Variants in NMS observed in about 807,000 individuals in gnomAD.
NMS encodes neuromedin-S.
NMS carries 30 observed loss-of-function variants against 32.2 expected under a neutral mutation model. The observed-to-expected ratio is 0.93, with a 90% CI of 0.70 to 1.26. The LOEUF is 1.26. NMS is among the 50% of genes most tolerant of loss of function. NMS has a pLI of 0.00. For synonymous variants in NMS, 76 were observed against 58.5 expected, an observed-to-expected ratio of 1.30 and a Z score of -1.37; for missense variants, 190 against 186.3, an observed-to-expected ratio of 1.02 and a Z score of -0.12.
chr2:100,477,317 G>A, intron 4 of NMS, 44 bp from the exon 5 acceptor site: 3 of 1,610,602 alleles, frequency 1.9e-6, no homozygotes, highest in East Asian at 2.2e-5. Context: ...CATGTTTAGA[G>A]CAAGTGACAC....
intron 8 of NMS, among the ~76,000 whole-genome samples, 164 bp from the exon 9 acceptor site, chr2:100,482,113 G>T (rs145135112): frequency 6.6e-6 from 1 of 152,180 alleles, no homozygotes; most frequent in South Asian, 2.1e-4. Flanking sequence ...ACGGACTAGC[G>T]CTAGCACAGG....
At chr2:100,476,222 C>T (rs144493097) in intron 3 of NMS, among the ~76,000 whole-genome samples, 14 of 152,116 alleles carry the variant, frequency 9.2e-5, no homozygotes, top group Non-Finnish European at 1.6e-4. Context: ...TGAACAGATG[C>T]TGACAAGAAG....
At position 100,479,336 on chromosome 2, in the gene NMS, G is replaced by A. The variant is rs768078761; in HGVS notation, c.262-17G>A. The A allele has an allele frequency of 1.9e-6, 3 of 1,598,784 alleles. No individual in the cohort carries two copies. The highest frequency in any genetic ancestry group is 2.7e-5 in the African/African-American group (2 of 74,474). On this transcript the variant is annotated splice_polypyrimidine_tract_variant and intron_variant, in intron 5 of 9. Coordinates refer to ENST00000376865, the MANE Select transcript of NMS (RefSeq NM_001011717.1). Reference sequence around the variant, plus strand: ...GATGTCCCCCTGTCTGACCCTCTCCGCGCCTGTCTGTTGCAGTTTCCTCCA... The same window carrying A: ...GATGTCCCCCTGTCTGACCCTCTCCACGCCTGTCTGTTGCAGTTTCCTCCA...
At chr2:100,479,761 C>T (rs1163241992) in intron 6 of NMS, among the ~76,000 whole-genome samples, 2 of 152,318 alleles carry the variant, frequency 1.3e-5, no homozygotes, top group East Asian at 3.9e-4. Flanking sequence ...TCTCCTGACA[C>T]GAAACGCCCT....
chr2:100,470,639 C>A, intron 1 of NMS, 75 bp downstream of exon 1: 1 of 1,209,326 alleles, frequency 8.3e-7, no homozygotes, highest in Non-Finnish European at 1.2e-6. Flanking sequence ...TCCCCCAGGG[C>A]AGCTCTGGAG....
At chr2:100,476,843 A>C (rs1343702448) in intron 3 of NMS, among the ~76,000 whole-genome samples, 1 of 152,186 alleles carries the variant, frequency 6.6e-6, no homozygotes, top group Admixed American at 6.5e-5. Flanking sequence ...TTGGAGAAAA[A>C]GAAGCTTGAC....
intron 8 of NMS, among the ~76,000 whole-genome samples, chr2:100,481,676 C>T (rs948224049): frequency 6.6e-6 from 1 of 152,198 alleles, no homozygotes; most frequent in Non-Finnish European, 1.5e-5. Context: ...CCATGCCCCC[C>T]AGAAACTGCA....
chr2:100,470,985 C>T (rs559367337), intron 1 of NMS, among the ~76,000 whole-genome samples: 1 of 151,184 alleles, frequency 6.6e-6, no homozygotes, highest in South Asian at 2.1e-4. Flanking sequence ...GAGAAGGGCG[C>T]GGGAGGAGCG....
intron 8 of NMS, among the ~76,000 whole-genome samples, chr2:100,482,031 G>A (rs547783523): frequency 2.0e-5 from 3 of 152,180 alleles, no homozygotes; most frequent in East Asian, 1.9e-4. Context: ...AGACTAAAGG[G>A]GGGGGATGAT....
At chr2:100,478,227 G>T (rs1677150467) in intron 5 of NMS, among the ~76,000 whole-genome samples, 1 of 152,134 alleles carries the variant, frequency 6.6e-6, no homozygotes, top group Non-Finnish European at 1.5e-5. Context: ...CTCCCAAAGT[G>T]CTGGGATTAC....
chr2:100,480,941 C>T (rs1276562947), intron 7 of NMS, among the ~76,000 whole-genome samples, 185 bp from the exon 8 acceptor site: 2 of 152,122 alleles, frequency 1.3e-5, no homozygotes, highest in Non-Finnish European at 2.9e-5. Flanking sequence ...GATTGCTTGG[C>T]CCCACCCCCA....
rs778324916 is a variant in NMS at position 100,483,234 on chromosome 2, T to C, written c.450-18T>C. 5 of 1,611,350 alleles carry C rather than the reference T, an allele frequency of 3.1e-6. No individual in the cohort carries two copies. In the Admixed American group the frequency reaches 8.3e-5, roughly 27 times the overall value. ...AATGATTTGAACTGAGCAGTGCATT[T>C]TTCTTTTCTTTTTTTAGGATTCAGT... On this transcript the variant is annotated intron_variant, in intron 9 of 9. Transcript: ENST00000376865.
intron 3 of NMS, 31 bp from the exon 4 acceptor site, chr2:100,477,213 A>T (rs1244907810): frequency 6.2e-7 from 1 of 1,607,362 alleles, no homozygotes; most frequent in Non-Finnish European, 8.5e-7. Flanking sequence ...GTAAAATTTC[A>T]TCTAACTTAC....
At chr2:100,479,776 A>G (rs1180843746) in intron 6 of NMS, among the ~76,000 whole-genome samples, 1 of 151,842 alleles carries the variant, frequency 6.6e-6, no homozygotes, top group Admixed American at 6.6e-5. Flanking sequence ...CGCCCTGGCG[A>G]TATCTTCTGC....
intron 3 of NMS, among the ~76,000 whole-genome samples, chr2:100,474,046 C>T (rs965840872): frequency 1.2e-4 from 18 of 152,090 alleles, no homozygotes; most frequent in South Asian, 4.2e-4. Flanking sequence ...GGCAAGGTGG[C>T]GCATACCTGT....
intron 1 of NMS, among the ~76,000 whole-genome samples, chr2:100,471,934 T>C (rs1358141595): frequency 6.6e-6 from 1 of 151,824 alleles, no homozygotes; most frequent in African/African-American, 2.4e-5. Flanking sequence ...CTATGCTCAG[T>C]GCCTTTACCT....
intron 8 of NMS, 35 bp downstream of exon 8, chr2:100,481,202 TC>T: frequency 6.2e-7 from 1 of 1,600,986 alleles, no homozygotes; most frequent in Non-Finnish European, 8.6e-7. Context: ...CTTTCTAACC[TC>T]GATTCACTGC....
chr2:100,470,535 G>A lies in NMS; in HGVS notation c.47G>A (p.Cys16Tyr). 1 of 1,613,922 alleles carries A rather than the reference G, an allele frequency of 6.2e-7. No individual in the cohort carries two copies. Among genetic ancestry groups the A allele is most frequent in the Non-Finnish European group, 8.5e-7 (1 of 1,179,870 alleles). ...TTCCCTCTCATCTTGGCCATCTACT[G>A]CTTCTGCATGCTACAGATTCCCTCC... ...PQFPLILAIY[C>Y]FCMLQIPSSG... The change falls in exon 1 of 10, where the codon TGC (cysteine) becomes TAC (tyrosine). Residue 16 changes from cysteine (C) to tyrosine (Y), a missense_variant. Physicochemically the swap from Cys to Tyr is radical, Grantham distance 194 (BLOSUM62 -2). Coordinates refer to ENST00000376865, the MANE Select transcript of NMS (RefSeq NM_001011717.1).
At chr2:100,481,356 G>A (rs1677211790) in intron 8 of NMS, among the ~76,000 whole-genome samples, 189 bp downstream of exon 8, 1 of 152,168 alleles carries the variant, frequency 6.6e-6, no homozygotes, top group Non-Finnish European at 1.5e-5. Flanking sequence ...AAAGGCAAGA[G>A]TCCAACAGGA....
Sources: allele counts gnomAD v4.1 joint callset (sites outside exome capture counted in the v4.1 genomes callset), GRCh38; gene constraint gnomAD v4.1.1; transcripts MANE v1.5; gene names NCBI Gene and HGNC (gene_info 2026-07-23, HGNC 2026-07-21).